GPCPD1: variants seen among roughly 807,000 people sequenced by gnomAD.
The protein encoded by GPCPD1 is glycerophosphocholine phosphodiesterase 1.
Under a neutral mutation model 89.2 loss-of-function variants are expected in GPCPD1, and 29 were observed. That is an observed-to-expected ratio of 0.33 (90% CI 0.24 to 0.44). GPCPD1 has a LOEUF of 0.44. GPCPD1 is among the 20% of genes least tolerant of loss of function. The pLI, the probability that GPCPD1 is intolerant of heterozygous loss-of-function variation, is 1.00. For synonymous variants in GPCPD1, 258 were observed against 266.3 expected (o/e 0.97, Z 0.30); for missense variants, 594 against 808.9 (o/e 0.73, Z 3.22).
chr20:5,579,797 T>A (rs980692945), intron 7 of GPCPD1, among the ~76,000 whole-genome samples: 1 of 152,230 alleles, frequency 6.6e-6, no homozygotes, highest in Non-Finnish European at 1.5e-5. Flanking sequence ...TATAAACAAA[T>A]GTTTTCTGGT....
Position 5,547,800 on chromosome 20 carries a change from A to G in GPCPD1, c.1880T>C (p.Leu627Ser), listed in dbSNP as rs200371769. Residue 627 changes from leucine (L) to serine (S), a missense_variant, in exon 20 of 20, where the codon TTG becomes TCG. Leu to Ser is a moderately radical substitution (Grantham distance 145). Transcript: ENST00000379019. Reference protein sequence around the residue: ...EQPNIFQVEQLERLKQELPEL... With the variant: ...EQPNIFQVEQSERLKQELPEL... ...TGGCAATTCCTGCTTCAGGCGTTCC[A>G]ATTGCTCCACTTGGAATATATTTGG... 1.2e-6 allele frequency: 2 copies of G among 1,610,606 alleles called. No individual in the cohort carries two copies.
chr20:5,558,917 A>C, intron 17 of GPCPD1, 98 bp from the exon 18 acceptor site: 2 of 924,258 alleles, frequency 2.2e-6, no homozygotes, highest in South Asian at 1.8e-5. Flanking sequence ...AAGAAAACAA[A>C]CGAGGCCGGG....
intron 2 of GPCPD1, among the ~76,000 whole-genome samples, chr20:5,600,161 T>A (rs914003232): frequency 6.6e-6 from 1 of 152,228 alleles, no homozygotes; most frequent in Non-Finnish European, 1.5e-5. Flanking sequence ...AGACTAGAAT[T>A]GTACTCAGCT....
At chr20:5,580,400 T>TA (rs909585228) in intron 6 of GPCPD1, among the ~76,000 whole-genome samples, 13 of 152,046 alleles carry the variant, frequency 8.6e-5, no homozygotes, top group Admixed American at 4.6e-4. Flanking sequence ...AGAATAACAA[T>TA]AAAAAAAGAA....
At chr20:5,596,407 A>G (rs776259253) in intron 3 of GPCPD1, among the ~76,000 whole-genome samples, 1 of 152,048 alleles carries the variant, frequency 6.6e-6, no homozygotes, top group Non-Finnish European at 1.5e-5. Context: ...TTTTAAAAAA[A>G]GAATCAGAAC....
At chr20:5,590,885 T>C (rs1192216752) in intron 4 of GPCPD1, among the ~76,000 whole-genome samples, 3 of 152,138 alleles carry the variant, frequency 2.0e-5, no homozygotes, top group Non-Finnish European at 2.9e-5. Context: ...AACATAGATA[T>C]GTGCTGAAAA....
rs1354083940 is a variant in GPCPD1, at chr20:5,558,083, T to A, written c.1691A>T (p.Asp564Val). 6.3e-7 allele frequency: 1 copy of A among 1,597,706 alleles called. No individual in the cohort carries two copies. Among genetic ancestry groups the A allele is most frequent in the Admixed American group, 1.7e-5 (1 of 57,956 alleles). ...NLLGINVHTE[D>V]LLRNPSYIQE... is the part of the protein sequence containing the mutation. Reference sequence around the variant, plus strand: ...AATATAGGATGGGTTTCTGAGCAAGTCTTCAGTATGTACATTTATCCCCTA... The same window carrying A: ...AATATAGGATGGGTTTCTGAGCAAGACTTCAGTATGTACATTTATCCCCTA... The change falls in exon 19 of 20, where the codon GAC (aspartate) becomes GTC (valine). Residue 564 changes from aspartate to valine, a missense_variant. Coordinates refer to ENST00000379019, the MANE Select transcript of GPCPD1 (RefSeq NM_019593.5).
chr20:5,599,600 G>C (rs1045137389), intron 2 of GPCPD1, among the ~76,000 whole-genome samples: 16 of 152,142 alleles, frequency 1.1e-4, no homozygotes, highest in African/African-American at 3.6e-4. Context: ...TGTTGCCTGG[G>C]CTGGAGTGCA....
At chr20:5,547,910 C>G in intron 19 of GPCPD1, 60 bp from the exon 20 acceptor site, 1 of 821,534 alleles carries the variant, frequency 1.2e-6, no homozygotes, top group Non-Finnish European at 1.9e-6. Flanking sequence ...TACCTAAGAC[C>G]TGCCTGACTC....
At position 5,545,088 on chromosome 20, in the gene GPCPD1, T is replaced by C. The variant is rs1167378998; in HGVS notation, c.*2573A>G. ...ATTTTTTCAAACATTTCACTTGATT[T>C]CCATAAAGTATAAAATAATTTAACA... On this transcript the variant is annotated 3_prime_UTR_variant, in exon 20 of 20. Coordinates refer to ENST00000379019, the MANE Select transcript of GPCPD1 (RefSeq NM_019593.5). 2.0e-5 allele frequency: 3 copies of C among 152,202 alleles called. No individual in the cohort carries two copies. The highest frequency in any genetic ancestry group is 6.5e-5 in the Admixed American group (1 of 15,284). 9.4% of individuals were successfully genotyped at this position (152,202 alleles called of 1,614,324 possible). A position where few individuals can be genotyped will look rare whatever the true frequency, so the allele number is the denominator to read the frequency against.
At chr20:5,548,059 A>C (rs1185966112) in intron 19 of GPCPD1, among the ~76,000 whole-genome samples, 1 of 152,234 alleles carries the variant, frequency 6.6e-6, no homozygotes, top group Non-Finnish European at 1.5e-5. Flanking sequence ...CCAGAATAGC[A>C]GCATTGCCCT....
At chr20:5,548,966 G>T in intron 19 of GPCPD1, 1 of 972,320 alleles carries the variant, frequency 1.0e-6, no homozygotes, top group South Asian at 1.4e-5. Context: ...TGGGCACTCT[G>T]GTTTTTTTAA....
intron 15 of GPCPD1, among the ~76,000 whole-genome samples, chr20:5,563,816 C>A (rs763394540): frequency 6.6e-6 from 1 of 152,190 alleles, no homozygotes; most frequent in African/African-American, 2.4e-5. Context: ...ATGAACCCCT[C>A]AAGAAATACA....
intron 4 of GPCPD1, among the ~76,000 whole-genome samples, chr20:5,589,965 T>A (rs1050213373): frequency 2.0e-5 from 3 of 152,198 alleles, no homozygotes; most frequent in African/African-American, 7.2e-5. Flanking sequence ...TTTCCAAACA[T>A]GTATATTAAC....
chr20:5,592,362 T>A (rs1192305780), intron 4 of GPCPD1, among the ~76,000 whole-genome samples: 5 of 152,214 alleles, frequency 3.3e-5, no homozygotes, highest in African/African-American at 1.2e-4. Flanking sequence ...GCCAACACAA[T>A]GATCAACCAC....
intron 16 of GPCPD1, among the ~76,000 whole-genome samples, chr20:5,560,398 C>A (rs553012433): frequency 5.9e-5 from 9 of 152,270 alleles, no homozygotes; most frequent in Non-Finnish European, 1.2e-4. Context: ...TCTGCTATGA[C>A]TTTATTTCCA....
chr20:5,598,831 C>G lies in GPCPD1; in HGVS notation c.50-10G>C. The G allele has an allele frequency of 3.9e-6, 6 of 1,528,196 alleles. No individual in the cohort carries two copies. Among genetic ancestry groups the G allele is most frequent in the Non-Finnish European group, 5.4e-6 (6 of 1,102,342 alleles). 94.7% of individuals were successfully genotyped at this position (1,528,196 alleles called of 1,614,324 possible). On this transcript the variant is annotated splice_polypyrimidine_tract_variant and intron_variant, in intron 2 of 19. Transcript: ENST00000379019. ...ATCGCAAAAACTTCTCCTAAAGAAA[C>G]AGAACAATCAGTCACAGAGAAACAG...
intron 8 of GPCPD1, among the ~76,000 whole-genome samples, chr20:5,577,488 C>T (rs1270934849): frequency 7.6e-6 from 1 of 130,800 alleles, no homozygotes; most frequent in Admixed American, 7.8e-5. Flanking sequence ...ACCCTCTCTC[C>T]AGAAAAAAAA....
At chr20:5,587,351 T>C (rs1232433445) in intron 4 of GPCPD1, among the ~76,000 whole-genome samples, 2 of 152,052 alleles carry the variant, frequency 1.3e-5, no homozygotes, top group Non-Finnish European at 2.9e-5. Flanking sequence ...TGAGCCCTTT[T>C]CTAGGCATTA....
Sources: gnomAD v4.1 joint callset for allele counts (sites outside exome capture counted in the v4.1 genomes callset) on GRCh38, gnomAD v4.1.1 for gene constraint, MANE v1.5 for transcripts, NCBI Gene and HGNC (gene_info 2026-07-23, HGNC 2026-07-21) for gene names.